The following FAM241A variants were observed in gnomAD, a reference collection of about 807,000 sequenced individuals.
The protein encoded by FAM241A is uncharacterized protein FAM241A.
A neutral mutation model predicts 12.2 loss-of-function variants in FAM241A; 7 were observed. The observed-to-expected ratio is 0.58, with a 90% CI of 0.33 to 1.08. The LOEUF (loss-of-function observed/expected upper bound fraction) is 1.08, where lower values mean the gene tolerates loss of function less well. Ranked by LOEUF, FAM241A falls within the 50% of genes least tolerant of loss-of-function variation. The pLI is 0.04. For synonymous variants in FAM241A, 74 were observed against 68.2 expected, an observed-to-expected ratio of 1.08 and a Z score of -0.42; for missense variants, 161 against 169.7, an observed-to-expected ratio of 0.95 and a Z score of 0.29.
chr4:112,156,150 A>G (rs1723349080), intron 1 of FAM241A, among the ~76,000 whole-genome samples: 1 of 152,198 alleles, frequency 6.6e-6, no homozygotes, highest in South Asian at 2.1e-4. Flanking sequence ...CTTAATATGT[A>G]CTAGTTCAGG....
At chr4:112,184,987 A>C (rs1724011200) in intron 1 of FAM241A, among the ~76,000 whole-genome samples, 1 of 152,124 alleles carries the variant, frequency 6.6e-6, no homozygotes, top group Admixed American at 6.5e-5. Context: ...TGATTTTGTG[A>C]CACTCCCTTA....
intron 1 of FAM241A, among the ~76,000 whole-genome samples, chr4:112,155,530 TATATA>T (rs150262771): frequency 0.011 from 1,683 of 151,658 alleles, 29 homozygotes; most frequent in African/African-American, 0.038. Context: ...AGTTATAAAT[TATATA>T]ATATAATATA....
At chr4:112,173,433 G>T (rs191503202) in intron 1 of FAM241A, among the ~76,000 whole-genome samples, 1 of 152,214 alleles carries the variant, frequency 6.6e-6, no homozygotes, top group East Asian at 1.9e-4. Flanking sequence ...TGGGTTTCTG[G>T]TTAACTTTCT....
intron 1 of FAM241A, among the ~76,000 whole-genome samples, chr4:112,173,780 A>C (rs1257402643): frequency 6.6e-6 from 1 of 152,110 alleles, no homozygotes; most frequent in African/African-American, 2.4e-5. Context: ...GCGTCCTCTG[A>C]TTCAGCCTCA....
chr4:112,158,900 G>A (rs961417771), intron 1 of FAM241A, among the ~76,000 whole-genome samples: 1 of 152,014 alleles, frequency 6.6e-6, no homozygotes, highest in African/African-American at 2.4e-5. Context: ...GTTAACTGCA[G>A]TCACTAACTG....
chr4:112,150,743 T>A (rs1701860703), intron 1 of FAM241A, among the ~76,000 whole-genome samples: 1 of 152,246 alleles, frequency 6.6e-6, no homozygotes, highest in Admixed American at 6.5e-5. Flanking sequence ...TTGCCTTTTA[T>A]TGACTGTAAC....
At chr4:112,167,921 C>G (rs1723633470) in intron 1 of FAM241A, among the ~76,000 whole-genome samples, 1 of 152,162 alleles carries the variant, frequency 6.6e-6, no homozygotes, top group Non-Finnish European at 1.5e-5. Flanking sequence ...TGACAGACAT[C>G]AAGAACCAGT....
At chr4:112,148,345 A>G (rs1288131523) in intron 1 of FAM241A, among the ~76,000 whole-genome samples, 1 of 152,000 alleles carries the variant, frequency 6.6e-6, no homozygotes, top group Non-Finnish European at 1.5e-5. Flanking sequence ...TACTTATTTC[A>G]TATATATATG....
At chr4:112,169,464 T>A (rs1287779234) in intron 1 of FAM241A, among the ~76,000 whole-genome samples, 1 of 152,180 alleles carries the variant, frequency 6.6e-6, no homozygotes, top group Non-Finnish European at 1.5e-5. Flanking sequence ...GAGTAAATGC[T>A]AATCTTAAAA....
At chr4:112,155,953 T>TAA (rs1723344612) in intron 1 of FAM241A, among the ~76,000 whole-genome samples, 1 of 152,172 alleles carries the variant, frequency 6.6e-6, no homozygotes, top group African/African-American at 2.4e-5. Context: ...GCAAGGAGGT[T>TAA]AAGTAACATA....
intron 1 of FAM241A, among the ~76,000 whole-genome samples, chr4:112,164,025 A>G (rs1224556725): frequency 6.6e-6 from 1 of 152,054 alleles, no homozygotes; most frequent in Non-Finnish European, 1.5e-5. Flanking sequence ...CAGAAAACCA[A>G]ACACCGCATG....
intron 1 of FAM241A, among the ~76,000 whole-genome samples, chr4:112,155,738 G>A (rs1427325751): frequency 1.3e-5 from 2 of 151,998 alleles, no homozygotes; most frequent in Non-Finnish European, 2.9e-5. Flanking sequence ...TACCTATCAA[G>A]TTGTCAAAGA....
At chr4:112,185,160 C>T (rs1266030376) in intron 1 of FAM241A, among the ~76,000 whole-genome samples, 1 of 151,938 alleles carries the variant, frequency 6.6e-6, no homozygotes, top group Non-Finnish European at 1.5e-5. Flanking sequence ...TGAATCATGC[C>T]TCCTAAATAA....
intron 1 of FAM241A, among the ~76,000 whole-genome samples, chr4:112,147,688 G>C (rs1377530721): frequency 6.6e-6 from 1 of 152,092 alleles, no homozygotes; most frequent in African/African-American, 2.4e-5. Context: ...TTTTTATTTA[G>C]GGAGATGATT....
At chr4:112,170,429 A>G (rs1053862811) in intron 1 of FAM241A, among the ~76,000 whole-genome samples, 2 of 152,254 alleles carry the variant, frequency 1.3e-5, no homozygotes, top group Non-Finnish European at 2.9e-5. Flanking sequence ...AATTAGAACA[A>G]CTATAATAAT....
rs914034082 is a variant in FAM241A, at chr4:112,193,283, G to C, written c.*6345G>C. ...GATGAGTAGGTTGCGAAAATTTTCT[G>C]CCATTTTGTAAGTTGCCTGTTCACT... On this transcript the variant is annotated 3_prime_UTR_variant, in exon 2 of 2. Transcript: ENST00000309733. The C allele has an allele frequency of 2.6e-5, 4 of 152,056 alleles. No homozygotes were observed. The highest frequency in any genetic ancestry group is 4.8e-5 in the African/African-American group (2 of 41,374). The allele number at this position is 152,056 out of a possible 1,614,324, so 9.4% of individuals were successfully genotyped here. A position where few individuals can be genotyped will look rare whatever the true frequency, so the allele number is the denominator to read the frequency against.
intron 1 of FAM241A, among the ~76,000 whole-genome samples, chr4:112,161,197 T>A (rs1046828263): frequency 6.6e-6 from 1 of 151,984 alleles, no homozygotes; most frequent in South Asian, 2.1e-4. Context: ...TAAATGCCCA[T>A]AAGAGAAAGC....
rs1464931350 is a variant in FAM241A at position 112,189,181 on chromosome 4, C to G, written c.*2243C>G. The G allele has an allele frequency of 1.3e-5, 2 of 151,678 alleles. No homozygotes were observed. The highest frequency in any genetic ancestry group is 2.1e-4 in the South Asian group (1 of 4,808). The allele number at this position is 151,678 out of a possible 1,614,324, so 9.4% of individuals were successfully genotyped here. On this transcript the variant is annotated 3_prime_UTR_variant, in exon 2 of 2. Coordinates refer to ENST00000309733, the MANE Select transcript of FAM241A (RefSeq NM_152400.3). ...CGGGTGGATCACAAGGTCAGGAGATCGAGACCTTCCTGGCTAACATGGTGA... is the reference window on the plus strand; with the variant it reads ...CGGGTGGATCACAAGGTCAGGAGATGGAGACCTTCCTGGCTAACATGGTGA...
chr4:112,186,827 A>G lies in FAM241A; in HGVS notation c.288A>G (p.Ile96Met). Residue 96 changes from isoleucine to methionine, a missense_variant, in exon 2 of 2, where the codon ATA (isoleucine) becomes ATG (methionine). Physicochemically the swap from Ile to Met is conservative, Grantham distance 10 (BLOSUM62 1). Transcript: ENST00000309733. ...CAAGGATGTATTTTGGAGAACGAAT[A>G]GTGGAACCAGTAATAGTCATTTTCT... ...GFTRMYFGER[I>M]VEPVIVIFFW... The G allele has an allele frequency of 6.2e-7, 1 of 1,614,130 alleles. No individual in the cohort carries two copies. Among genetic ancestry groups the G allele is most frequent in the Non-Finnish European group, 8.5e-7 (1 of 1,179,998 alleles).
Sources: gnomAD v4.1 joint callset for allele counts (sites outside exome capture counted in the v4.1 genomes callset) on GRCh38, gnomAD v4.1.1 for gene constraint, MANE v1.5 for transcripts, NCBI Gene and HGNC (gene_info 2026-07-23, HGNC 2026-07-21) for gene names.